CAMKMT: variants seen among roughly 807,000 people sequenced by gnomAD.
The protein encoded by CAMKMT is calmodulin-lysine N-methyltransferase.
Under a neutral mutation model 48.0 loss-of-function variants are expected in CAMKMT, and 53 were observed. That is an observed-to-expected ratio of 1.10 (90% CI 0.89 to 1.39). CAMKMT has a LOEUF of 1.39. Among genes scored for constraint, CAMKMT ranks in the 40% most tolerant of loss-of-function variants. The pLI is 0.00. For missense variants in CAMKMT, 428 were observed against 402.7 expected, an observed-to-expected ratio of 1.06 and a Z score of -0.54; for synonymous variants, 165 against 152.3, an observed-to-expected ratio of 1.08 and a Z score of -0.61.
intron 10 of CAMKMT, among the ~76,000 whole-genome samples, chr2:44,771,036 G>A (rs934893735): frequency 6.6e-6 from 1 of 152,190 alleles, no homozygotes; most frequent in Admixed American, 6.5e-5. Context: ...CCATGTCATG[G>A]TTTGGGAATA....
intron 3 of CAMKMT, among the ~76,000 whole-genome samples, chr2:44,620,727 C>G (rs1672137218): frequency 6.6e-6 from 1 of 152,116 alleles, no homozygotes; most frequent in South Asian, 2.1e-4. Flanking sequence ...TCTTTAATTC[C>G]TACCCTCTGT....
intron 3 of CAMKMT, among the ~76,000 whole-genome samples, chr2:44,444,125 G>A (rs761363091): frequency 6.6e-6 from 1 of 152,110 alleles, no homozygotes; most frequent in Non-Finnish European, 1.5e-5. Context: ...TTTTCTACAC[G>A]TGTACTTGAT....
At position 44,434,307 on chromosome 2, in the gene CAMKMT, C is replaced by T. The variant is rs183092696; in HGVS notation, c.376+44002C>T. ...TAAAAAACCATCTGTTTATCTGAAG[C>T]ACAGGAAGTGCATCCGTCTGTTGAC... On this transcript the variant is annotated intron_variant, in intron 3 of 10. Coordinates refer to ENST00000378494, the MANE Select transcript of CAMKMT (RefSeq NM_024766.5). Among the ~76,000 whole-genome samples, 555 of 151,938 alleles carry T rather than the reference C, an allele frequency of 3.7e-3. 3 individuals carry two copies. The highest frequency in any genetic ancestry group is 0.013 in the African/African-American group (536 of 41,426).
chr2:44,424,758 AG>A (rs1684169236), intron 3 of CAMKMT, among the ~76,000 whole-genome samples: 1 of 152,166 alleles, frequency 6.6e-6, no homozygotes, highest in Non-Finnish European at 1.5e-5. Flanking sequence ...TTGGGGACTT[AG>A]GGGGAAAGGG....
At chr2:44,390,700 A>G (rs1364230020) in intron 3 of CAMKMT, among the ~76,000 whole-genome samples, 1 of 152,084 alleles carries the variant, frequency 6.6e-6, no homozygotes, top group African/African-American at 2.4e-5. Context: ...TTTCTTTGCC[A>G]TTCCCTGCTT....
At chr2:44,591,684 A>G (rs1191552253) in intron 3 of CAMKMT, among the ~76,000 whole-genome samples, 2 of 150,828 alleles carry the variant, frequency 1.3e-5, no homozygotes, top group Admixed American at 1.3e-4. Context: ...AACTAGAAAT[A>G]CCATTTGACC....
At chr2:44,444,618 A>G (rs1020249727) in intron 3 of CAMKMT, among the ~76,000 whole-genome samples, 7 of 152,206 alleles carry the variant, frequency 4.6e-5, no homozygotes, top group African/African-American at 9.6e-5. Flanking sequence ...ATGTTAAGCT[A>G]CTGTTCAAGT....
intron 3 of CAMKMT, among the ~76,000 whole-genome samples, chr2:44,445,726 G>T: frequency 7.4e-6 from 1 of 134,274 alleles, no homozygotes; most frequent in African/African-American, 2.8e-5. Context: ...CTCTCCCCAT[G>T]CAAACTGGTA....
At chr2:44,582,330 A>T (rs986174422) in intron 3 of CAMKMT, among the ~76,000 whole-genome samples, 1 of 152,244 alleles carries the variant, frequency 6.6e-6, no homozygotes, top group African/African-American at 2.4e-5. Context: ...CCTCACTAAC[A>T]GTGCAATGCC....
intron 9 of CAMKMT, among the ~76,000 whole-genome samples, chr2:44,758,462 GAATATTTGTTACCAC>G (rs1353950632): frequency 2.6e-5 from 4 of 152,160 alleles, no homozygotes; most frequent in African/African-American, 9.7e-5. Flanking sequence ...TTTTAGCAGG[GAATATTTGTTACCAC>G]CTGAAATGCA....
rs371102222 is a variant in CAMKMT, at chr2:44,542,496, TAC to T, written c.376+152232_376+152233del. Among the ~76,000 whole-genome samples the T allele has an allele frequency of 9.5e-3, 1,276 of 134,020 alleles. 13 individuals carry two copies. Among genetic ancestry groups the T allele is most frequent in the East Asian group, 0.039 (167 of 4,256 alleles). 87.9% of individuals were successfully genotyped at this position (134,020 alleles called of 152,430 possible). ...ACTCAGGAGGTAAGACACATACACATACACACACACACACACACACACACACA... is the reference window on the plus strand; with the variant it reads ...ACTCAGGAGGTAAGACACATACACATACACACACACACACACACACACACA... On this transcript the variant is annotated intron_variant, in intron 3 of 10. Transcript: ENST00000378494.
At chr2:44,432,579 T>C (rs768670848) in intron 3 of CAMKMT, among the ~76,000 whole-genome samples, 1 of 152,218 alleles carries the variant, frequency 6.6e-6, no homozygotes, top group East Asian at 1.9e-4. Flanking sequence ...GGGTAACTTC[T>C]TGACATTATT....
chr2:44,415,172 G>C (rs1238026456), intron 3 of CAMKMT, among the ~76,000 whole-genome samples: 1 of 151,852 alleles, frequency 6.6e-6, no homozygotes, highest in African/African-American at 2.4e-5. Context: ...AAAAATTCTG[G>C]GTATTATTCT....
At chr2:44,757,254 T>C (rs1295638546) in intron 9 of CAMKMT, among the ~76,000 whole-genome samples, 1 of 152,184 alleles carries the variant, frequency 6.6e-6, no homozygotes. Flanking sequence ...CCTAACAGGC[T>C]CTGGAACCGC....
At chr2:44,544,344 CT>C (rs1558691256) in intron 3 of CAMKMT, among the ~76,000 whole-genome samples, 1 of 152,188 alleles carries the variant, frequency 6.6e-6, no homozygotes, top group African/African-American at 2.4e-5. Flanking sequence ...CCTTCTTTTT[CT>C]TTTTGAGCTG....
chr2:44,753,450 C>CA (rs1680240593), intron 8 of CAMKMT, among the ~76,000 whole-genome samples: 1 of 149,476 alleles, frequency 6.7e-6, no homozygotes. Context: ...AGAAAAAAAA[C>CA]AAAAAATCAA....
intron 3 of CAMKMT, among the ~76,000 whole-genome samples, chr2:44,443,082 C>A (rs761452392): frequency 6.6e-6 from 1 of 152,124 alleles, no homozygotes; most frequent in Non-Finnish European, 1.5e-5. Context: ...AAATATAGTT[C>A]TTTGAACTCC....
intron 3 of CAMKMT, among the ~76,000 whole-genome samples, chr2:44,430,782 G>A (rs1684601683): frequency 1.3e-5 from 2 of 152,096 alleles, no homozygotes; most frequent in Non-Finnish European, 2.9e-5. Flanking sequence ...AAAAGTAAAT[G>A]ACCAGTGAAA....
intron 3 of CAMKMT, among the ~76,000 whole-genome samples, chr2:44,547,016 T>A (rs979287110): frequency 6.6e-6 from 1 of 152,182 alleles, no homozygotes; most frequent in Admixed American, 6.5e-5. Flanking sequence ...TCCCTTGGGT[T>A]GGCTTGCTTG....
Sources: gnomAD v4.1 joint callset for allele counts (sites outside exome capture counted in the v4.1 genomes callset) on GRCh38, gnomAD v4.1.1 for gene constraint, MANE v1.5 for transcripts, NCBI Gene and HGNC (gene_info 2026-07-23, HGNC 2026-07-21) for gene names.